The following NFIX variants were observed in gnomAD, a reference collection of about 807,000 sequenced individuals.
NFIX encodes the protein nuclear factor 1 X-type.
In NFIX, 2 loss-of-function variants were observed where a neutral mutation model predicts 53.3. The ratio of observed to expected loss-of-function variants is 0.04; its 90% CI spans 0.02 to 0.12. The LOEUF is 0.12. Ranked by LOEUF, NFIX falls within the 10% of genes least tolerant of loss-of-function variation. NFIX has a pLI of 1.00. For missense variants in NFIX, 310 were observed against 674.5 expected, an observed-to-expected ratio of 0.46 and a Z score of 5.99; for synonymous variants, 244 against 289.0, an observed-to-expected ratio of 0.84 and a Z score of 1.58.
intron 1 of NFIX, chr19:13,023,884 G>T: frequency 1.5e-6 from 1 of 676,516 alleles, no homozygotes; most frequent in South Asian, 1.7e-5. Flanking sequence ...CTATTCCCCA[G>T]AACACCAATA....
chr19:13,018,855 A>G (rs574132096), intron 1 of NFIX, among the ~76,000 whole-genome samples: 1 of 152,374 alleles, frequency 6.6e-6, no homozygotes, highest in Non-Finnish European at 1.5e-5. Context: ...GGTTCAGACC[A>G]AGGCTGAATT....
In NFIX at chr19:13,075,559, C is replaced by T. The variant is rs201741871; in HGVS notation, c.843C>T (p.Ile281=). The T allele has an allele frequency of 1.1e-4, 173 of 1,613,742 alleles. No individual in the cohort carries two copies. Among genetic ancestry groups the T allele is most frequent in the Middle Eastern group, 1.6e-4 (1 of 6,062 alleles). ...GCACCACCAAGCGCCCCAAGTCCAT[C>T]GATGACAGTGAGATGGAGAGCCCTG... ...STSTTKRPKS[I]DDSEMESPVD... The change falls in exon 6 of 11, where the codon ATC becomes ATT. Residue 281 remains isoleucine (I), a synonymous_variant. Transcript: ENST00000592199.
Position 13,026,705 on chromosome 19 carries a change from T to C in NFIX, c.559+1153T>C, listed in dbSNP as rs1312006277. ...TACATTATGCCCAACCAACTTGTAATGAGAGGGCTACCAAACCTTTCTCTC... is the reference window on the plus strand; with the variant it reads ...TACATTATGCCCAACCAACTTGTAACGAGAGGGCTACCAAACCTTTCTCTC... On this transcript the variant is annotated intron_variant, in intron 2 of 10. Coordinates refer to ENST00000592199, the MANE Select transcript of NFIX (RefSeq NM_001365902.3). 4.0e-5 allele frequency among the ~76,000 whole-genome samples: 6 copies of C among 151,290 alleles called. No individual in the cohort carries two copies. The East Asian group carries it at 1.2e-3, about 30-fold the overall frequency.
At chr19:13,056,045 C>A (rs536016332) in intron 2 of NFIX, among the ~76,000 whole-genome samples, 1 of 152,290 alleles carries the variant, frequency 6.6e-6, no homozygotes, top group South Asian at 2.1e-4. Context: ...GGCTGAAAAG[C>A]AACGAGCTAG....
intron 2 of NFIX, chr19:13,070,711 C>T (rs2016724460): frequency 6.6e-6 from 1 of 152,430 alleles, no homozygotes; most frequent in African/African-American, 2.4e-5. Context: ...CCCGGAGGCG[C>T]GTGGCAGGGG....
chr19:13,034,025 C>G (rs2014002162), intron 2 of NFIX, among the ~76,000 whole-genome samples: 1 of 152,182 alleles, frequency 6.6e-6, no homozygotes, highest in South Asian at 2.1e-4. Context: ...TGACAGGGGA[C>G]TCTGGTCACA....
rs966977791 is a variant in NFIX at position 13,021,837 on chromosome 19, C to T, written c.28-3184C>T. Among the ~76,000 whole-genome samples the T allele has an allele frequency of 1.4e-4, 22 of 152,014 alleles. 1 individual carries two copies. The highest frequency in any genetic ancestry group is 2.9e-4 in the African/African-American group (12 of 41,372). ...GTGGAGGACCAGAGCAGGGGCTCCC[C>T]GGTGGGTCACTTCTCTGTGACTTGA... On this transcript the variant is annotated intron_variant, in intron 1 of 10. Transcript: ENST00000592199. This position sits in a 1 kb window ranked among gnomAD's most constrained non-coding sequence, Gnocchi z 4.2.
chr19:13,019,723 G>GTTTTTTTTTTTTTTTTT (rs1414490273), intron 1 of NFIX, among the ~76,000 whole-genome samples: 1 of 115,824 alleles, frequency 8.6e-6, no homozygotes, highest in African/African-American at 3.4e-5. Flanking sequence ...TTTTTTTTTT[G>GTTTTTTTTTTTTTTTTT]TTTGTTTGTT....
rs1490899518 is a variant in NFIX at position 13,014,925 on chromosome 19, G to A, written c.28-10096G>A. Reference sequence around the variant, plus strand: ...CGGTGGCCCTTCCGCCAGGTGTGGGGTAGACCGCTTAGAAGGGAAAGGGGA... The same window carrying A: ...CGGTGGCCCTTCCGCCAGGTGTGGGATAGACCGCTTAGAAGGGAAAGGGGA... On this transcript the variant is annotated intron_variant, in intron 1 of 10. Coordinates refer to ENST00000592199, the MANE Select transcript of NFIX (RefSeq NM_001365902.3). The surrounding 1 kb of genome is among the most constrained non-coding windows in gnomAD (Gnocchi z 4.4). Among the ~76,000 whole-genome samples, 1 of 152,246 alleles carries A rather than the reference G, an allele frequency of 6.6e-6. No individual in the cohort carries two copies. Among genetic ancestry groups the A allele is most frequent in the African/African-American group, 2.4e-5 (1 of 41,466 alleles).
At chr19:13,075,787 C>T in intron 6 of NFIX, 116 bp downstream of exon 6, 1 of 1,255,468 alleles carries the variant, frequency 8.0e-7, no homozygotes, top group Non-Finnish European at 1.1e-6. Context: ...GGGCATTACC[C>T]ATCTGTTTTC....
chr19:13,035,449 A>G (rs890080875), intron 2 of NFIX, among the ~76,000 whole-genome samples: 2 of 152,194 alleles, frequency 1.3e-5, no homozygotes, highest in Non-Finnish European at 2.9e-5. Flanking sequence ...GGGATCTGCT[A>G]CTGGGCTGAC....
rs1460381262 is a variant in NFIX, at chr19:13,009,842, C to T, written c.27+13978C>T. Reference sequence around the variant, plus strand: ...GCCATGTGGACGGCTGGAGTTGGTCCGCAGTGGTGGCAGCTTGTGGTCCTT... The same window carrying T: ...GCCATGTGGACGGCTGGAGTTGGTCTGCAGTGGTGGCAGCTTGTGGTCCTT... On this transcript the variant is annotated intron_variant, in intron 1 of 10. Coordinates refer to ENST00000592199, the MANE Select transcript of NFIX (RefSeq NM_001365902.3). This position sits in a 1 kb window ranked among gnomAD's most constrained non-coding sequence, Gnocchi z 4.7. 5.3e-5 allele frequency among the ~76,000 whole-genome samples: 8 copies of T among 152,316 alleles called. No homozygotes were observed. The highest frequency in any genetic ancestry group is 8.8e-5 in the Non-Finnish European group (6 of 68,024).
chr19:13,055,704 CTT>C (rs1384708912), intron 2 of NFIX, among the ~76,000 whole-genome samples: 1 of 152,152 alleles, frequency 6.6e-6, no homozygotes, highest in African/African-American at 2.4e-5. Flanking sequence ...GCGGGGGTCT[CTT>C]TTGGGAGTGT....
intron 2 of NFIX, among the ~76,000 whole-genome samples, chr19:13,048,485 T>A (rs1599783342): frequency 7.5e-6 from 1 of 132,914 alleles, no homozygotes; most frequent in Non-Finnish European, 1.5e-5. Context: ...TCTGTTGTAT[T>A]TTTTTTTTTT....
Position 13,097,029 on chromosome 19 carries a change from T to G in NFIX, c.*2380T>G. Reference sequence around the variant, plus strand: ...GAACCAAGTGCAATGCATCAGAGAGTTTTCCTATCTTTGTATGTTAAGAGA... The same window carrying G: ...GAACCAAGTGCAATGCATCAGAGAGGTTTCCTATCTTTGTATGTTAAGAGA... On this transcript the variant is annotated 3_prime_UTR_variant, in exon 11 of 11. Transcript: ENST00000592199. 6.7e-6 allele frequency: 1 copy of G among 149,464 alleles called. No homozygotes were observed. The highest frequency in any genetic ancestry group is 2.1e-4 in the South Asian group (1 of 4,760). The allele number at this position is 149,464 out of a possible 1,614,324, so 9.3% of individuals were successfully genotyped here. A position where few individuals can be genotyped will look rare whatever the true frequency, so the allele number is the denominator to read the frequency against.
Position 13,090,452 on chromosome 19 carries a change from A to AT in NFIX, c.1494+63dup. 1.3e-6 allele frequency: 2 copies of AT among 1,484,148 alleles called. No homozygotes were observed. Among genetic ancestry groups the AT allele is most frequent in the Non-Finnish European group, 1.9e-6 (2 of 1,063,084 alleles). 91.9% of individuals were successfully genotyped at this position (1,484,148 alleles called of 1,614,324 possible). ...AGGGGAGTAGTCAGGGTTGGGGGGC[A>AT]TCTTGGTGTTAGGGAAGAGCCTGGA... On this transcript the variant is annotated intron_variant, in intron 10 of 10. Transcript: ENST00000592199. The surrounding 1 kb of genome is among the most constrained non-coding windows in gnomAD (Gnocchi z 6.6).
rs533663831 is a variant in NFIX, at chr19:13,058,970, C to T, written c.560-14077C>T. On this transcript the variant is annotated intron_variant, in intron 2 of 10. Transcript: ENST00000592199. ...AGGTCCCCACTCTTCCCCGGAGCCA[C>T]CGTCTCACCTTTCTCTTGTCCCATC... is the stretch of plus-strand genomic sequence containing the variant. 1.6e-4 allele frequency among the ~76,000 whole-genome samples: 25 copies of T among 152,280 alleles called. 1 individual carries two copies. The South Asian group carries it at 5.0e-3, about 30-fold the overall frequency.
chr19:13,087,845 C>T lies in NFIX; in HGVS notation c.1255-144C>T. The T allele has an allele frequency of 4.2e-6, 3 of 709,282 alleles. No homozygotes were observed. The East Asian group carries it at 1.1e-4, about 26-fold the overall frequency. The allele number at this position is 709,282 out of a possible 1,614,324, so 43.9% of individuals were successfully genotyped here. A position where few individuals can be genotyped will look rare whatever the true frequency, so the allele number is the denominator to read the frequency against. On this transcript the variant is annotated intron_variant, in intron 8 of 10. Transcript: ENST00000592199. The stretch of plus-strand genomic sequence containing the variant: ...ATAGAGGCCTTACACCCTCACCCAT[C>T]CTGTGCCCTGGAGGAGAGGACCCAA...
rs2145403216 is a variant in NFIX, at chr19:13,067,232, C to G, written c.560-5815C>G. 6.6e-6 allele frequency among the ~76,000 whole-genome samples: 1 copy of G among 152,092 alleles called. No homozygotes were observed. On this transcript the variant is annotated intron_variant, in intron 2 of 10. Coordinates refer to ENST00000592199, the MANE Select transcript of NFIX (RefSeq NM_001365902.3). The surrounding 1 kb of genome is among the most constrained non-coding windows in gnomAD (Gnocchi z 4.2). ...TCAGAGGATGGGGTGTTGCAGCTGC[C>G]CAGAGGCACCCCCAGAACAGAATGT...
Sources: gnomAD v4.1 joint callset for allele counts (sites outside exome capture counted in the v4.1 genomes callset) on GRCh38, gnomAD v4.1.1 for gene constraint, Gnocchi (gnomAD v3.1) non-coding constraint, MANE v1.5 for transcripts, NCBI Gene and HGNC (gene_info 2026-07-23, HGNC 2026-07-21) for gene names.